The following SPAG16 variants were observed in gnomAD, a reference collection of about 807,000 sequenced individuals.
SPAG16 encodes the protein sperm associated antigen 16.
A neutral mutation model predicts 80.4 loss-of-function variants in SPAG16; 86 were observed. The observed-to-expected ratio is 1.07, with a 90% confidence interval of 0.90 to 1.28. SPAG16 has a LOEUF of 1.28. SPAG16 is among the 50% of genes most tolerant of loss of function. The probability of loss-of-function intolerance (pLI) is 0.00; values close to 1 mark genes in which losing one functional copy is unlikely to be tolerated. For missense variants in SPAG16, 870 were observed against 765.3 expected (o/e 1.14, Z -1.61); for synonymous variants, 294 against 265.9 (o/e 1.11, Z -1.03).
At chr2:213,413,129 T>C (rs1278746408) in intron 9 of SPAG16, among the ~76,000 whole-genome samples, 1 of 152,134 alleles carries the variant, frequency 6.6e-6, no homozygotes, top group East Asian at 1.9e-4. Flanking sequence ...TATAAATGGT[T>C]TTACTGAAGC....
chr2:213,941,996 A>G (rs1011566484), intron 12 of SPAG16, among the ~76,000 whole-genome samples: 1 of 152,140 alleles, frequency 6.6e-6, no homozygotes. Context: ...CACTGCAACA[A>G]TTCTTTGATG....
At chr2:214,167,349 G>A (rs1028591550) in intron 15 of SPAG16, among the ~76,000 whole-genome samples, 3 of 152,076 alleles carry the variant, frequency 2.0e-5, no homozygotes, top group African/African-American at 7.2e-5. Flanking sequence ...AGCAGTGGAG[G>A]CCTGAGTTAC....
At position 213,431,289 on chromosome 2, in the gene SPAG16, C is replaced by G. The variant is rs1356029617; in HGVS notation, c.942+56170C>G. ...TAATATTTTGACAGTCAGAAAACCT[C>G]ACATACAAATAATAACCTTGAATGT... On this transcript the variant is annotated intron_variant, in intron 9 of 15. Transcript: ENST00000331683. 2.6e-5 allele frequency among the ~76,000 whole-genome samples: 4 copies of G among 151,870 alleles called. No individual in the cohort carries two copies. The South Asian group carries it at 8.3e-4, about 31-fold the overall frequency.
intron 12 of SPAG16, among the ~76,000 whole-genome samples, chr2:213,950,899 G>C (rs1443262480): frequency 6.6e-6 from 1 of 151,498 alleles, no homozygotes; most frequent in East Asian, 1.9e-4. Flanking sequence ...TGAAGGTAGA[G>C]ACAGTGTCTC....
chr2:214,368,001 C>T (rs1699591286), intron 15 of SPAG16, among the ~76,000 whole-genome samples: 1 of 152,070 alleles, frequency 6.6e-6, no homozygotes, highest in Non-Finnish European at 1.5e-5. Context: ...TTTGTGCAGA[C>T]ATGGTGGTTA....
At chr2:213,545,657 G>T (rs2076588486) in intron 10 of SPAG16, among the ~76,000 whole-genome samples, 3 of 151,864 alleles carry the variant, frequency 2.0e-5, no homozygotes, top group Admixed American at 1.3e-4. Flanking sequence ...TATCACTTCT[G>T]CTTATCTTGA....
intron 15 of SPAG16, among the ~76,000 whole-genome samples, chr2:214,332,245 C>G (rs1300314355): frequency 1.3e-5 from 2 of 152,214 alleles, no homozygotes; most frequent in Non-Finnish European, 2.9e-5. Flanking sequence ...GAGTGAGACT[C>G]TGCCTCACAA....
At position 214,047,757 on chromosome 2, in the gene SPAG16, A is replaced by T. The variant is rs147068723; in HGVS notation, c.1527+33680A>T. 4.2e-3 allele frequency among the ~76,000 whole-genome samples: 636 copies of T among 152,308 alleles called. 4 individuals are homozygous for T. The highest frequency in any genetic ancestry group is 0.015 in the African/African-American group (615 of 41,574). ...AATAATCAAAGTAAACAGACAAGTCACAGAATGGGAGAAAATACTTGCAAA... is the reference window on the plus strand; with the variant it reads ...AATAATCAAAGTAAACAGACAAGTCTCAGAATGGGAGAAAATACTTGCAAA... On this transcript the variant is annotated intron_variant, in intron 13 of 15. Coordinates refer to ENST00000331683, the MANE Select transcript of SPAG16 (RefSeq NM_024532.5).
At chr2:214,381,951 A>ATATT (rs1300732792) in intron 15 of SPAG16, among the ~76,000 whole-genome samples, 2 of 152,236 alleles carry the variant, frequency 1.3e-5, no homozygotes, top group Non-Finnish European at 2.9e-5. Flanking sequence ...CCTCAGTGCA[A>ATATT]TATTAATTCA....
At chr2:213,540,813 C>T (rs1230937293) in intron 10 of SPAG16, among the ~76,000 whole-genome samples, 1 of 152,120 alleles carries the variant, frequency 6.6e-6, no homozygotes, top group African/African-American at 2.4e-5. Context: ...TACTTTTCAC[C>T]GTAAATAAAA....
intron 12 of SPAG16, among the ~76,000 whole-genome samples, chr2:214,011,939 T>C (rs774802393): frequency 6.6e-6 from 1 of 152,094 alleles, no homozygotes; most frequent in Admixed American, 6.6e-5. Flanking sequence ...CAAGCTGACT[T>C]CTTCCTTCCC....
At chr2:213,333,700 T>C (rs2064210218) in intron 5 of SPAG16, among the ~76,000 whole-genome samples, 1 of 151,988 alleles carries the variant, frequency 6.6e-6, no homozygotes, top group African/African-American at 2.4e-5. Context: ...CAAAACCACA[T>C]ACCTACAGTG....
At chr2:213,526,916 C>T (rs1347965665) in intron 10 of SPAG16, among the ~76,000 whole-genome samples, 1 of 152,176 alleles carries the variant, frequency 6.6e-6, no homozygotes, top group Non-Finnish European at 1.5e-5. Context: ...TTAGAATCTA[C>T]AGGTGTTCTC....
chr2:213,992,594 G>C (rs2046338079), intron 12 of SPAG16, among the ~76,000 whole-genome samples: 2 of 152,034 alleles, frequency 1.3e-5, no homozygotes, highest in Admixed American at 1.3e-4. Context: ...CTTTAAATTT[G>C]ATGATTTTTT....
At chr2:213,840,420 C>G (rs1004108171) in intron 10 of SPAG16, among the ~76,000 whole-genome samples, 2 of 152,246 alleles carry the variant, frequency 1.3e-5, no homozygotes, top group East Asian at 3.9e-4. Flanking sequence ...CAGACAAACT[C>G]TGACATTAGT....
chr2:213,637,600 A>G (rs1314621925), intron 10 of SPAG16, among the ~76,000 whole-genome samples: 1 of 151,924 alleles, frequency 6.6e-6, no homozygotes, highest in Non-Finnish European at 1.5e-5. Context: ...CAATTTTTTA[A>G]TTATCATTTC....
chr2:213,983,265 A>G (rs1350975019), intron 12 of SPAG16, among the ~76,000 whole-genome samples: 1 of 151,968 alleles, frequency 6.6e-6, no homozygotes, highest in East Asian at 1.9e-4. Flanking sequence ...TGAAAATTTC[A>G]TGTTTTACCT....
intron 10 of SPAG16, among the ~76,000 whole-genome samples, chr2:213,492,982 T>G (rs1008386013): frequency 6.6e-6 from 1 of 152,198 alleles, no homozygotes; most frequent in Non-Finnish European, 1.5e-5. Flanking sequence ...CTCTGTCACA[T>G]ACATATACGA....
chr2:213,831,863 A>T (rs557557164), intron 10 of SPAG16, among the ~76,000 whole-genome samples: 4 of 152,200 alleles, frequency 2.6e-5, no homozygotes, highest in Non-Finnish European at 5.9e-5. Flanking sequence ...AAACAGAGAC[A>T]TAACCAGGTT....
Sources: gnomAD v4.1 joint callset for allele counts (sites outside exome capture counted in the v4.1 genomes callset) on GRCh38, gnomAD v4.1.1 for gene constraint, MANE v1.5 for transcripts, NCBI Gene and HGNC (gene_info 2026-07-23, HGNC 2026-07-21) for gene names.